Variants in OR2J2 observed in about 807,000 individuals in gnomAD.
The protein encoded by OR2J2 is olfactory receptor 2J2.
A neutral mutation model predicts 16.9 loss-of-function variants in OR2J2; 13 were observed. The ratio of observed to expected loss-of-function variants is 0.77; its 90% CI spans 0.50 to 1.23. The LOEUF is 1.23. OR2J2 is among the 50% of genes most tolerant of loss of function. The probability of loss-of-function intolerance (pLI) is 0.00; values close to 1 mark genes in which losing one functional copy is unlikely to be tolerated. For missense variants in OR2J2, 341 were observed against 379.1 expected (o/e 0.90, Z 0.84); for synonymous variants, 125 against 141.2 (o/e 0.89, Z 0.81).
Position 29,174,098 on chromosome 6 carries a change from A to C in OR2J2, c.463A>C (p.Thr155Pro). ...LVAASWVIGF[T>P]ISALHSSFTF... ...TGCGGCTTCTTGGGTAATTGGTTTT[A>C]CTATCTCAGCACTTCATTCCTCCTT... The change falls in exon 2 of 2, where the codon ACT becomes CCT. Residue 155 changes from threonine to proline, a missense_variant. Physicochemically the swap from Thr to Pro is conservative, Grantham distance 38 (BLOSUM62 -1). Coordinates refer to ENST00000641417, the MANE Select transcript of OR2J2 (RefSeq NM_030905.3). 6.2e-7 allele frequency: 1 copy of C among 1,612,822 alleles called. No individual in the cohort carries two copies. The highest frequency in any genetic ancestry group is 8.5e-7 in the Non-Finnish European group (1 of 1,179,768).
In OR2J2 at chr6:29,174,452, A is replaced by G. The variant is rs961528734; in HGVS notation, c.817A>G (p.Lys273Glu). ...PPSENSPDQGKFIALFYTVVT... is the reference protein window; with the variant it reads ...PPSENSPDQGEFIALFYTVVT... ...ATCAGAAAATTCTCCTGATCAGGGC[A>G]AGTTCATTGCCCTCTTTTATACTGT... The change falls in exon 2 of 2, where the codon AAG becomes GAG. Residue 273 changes from lysine (K) to glutamate (E), a missense_variant. Physicochemically the swap from Lys to Glu is moderately conservative, Grantham distance 56 (BLOSUM62 1). Coordinates refer to ENST00000641417, the MANE Select transcript of OR2J2 (RefSeq NM_030905.3). 1.9e-6 allele frequency: 3 copies of G among 1,613,884 alleles called. No individual in the cohort carries two copies. The African/African-American group carries it at 4.0e-5, about 22-fold the overall frequency.
chr6:29,173,473 A>T, intron 1 of OR2J2, 146 bp from the exon 2 acceptor site: 1 of 554,992 alleles, frequency 1.8e-6, no homozygotes, highest in Non-Finnish European at 3.2e-6. Context: ...ATCTCAATGA[A>T]GCATATAAAG....
rs1255151611 is a variant in OR2J2, at chr6:29,174,523, G to A, written c.888G>A (p.Lys296=). 6.2e-7 allele frequency: 1 copy of A among 1,613,706 alleles called. No individual in the cohort carries two copies. Among genetic ancestry groups the A allele is most frequent in the Non-Finnish European group, 8.5e-7 (1 of 1,179,902 alleles). The change falls in exon 2 of 2, where the codon AAG becomes AAA. Residue 296 remains lysine, a synonymous_variant. Transcript: ENST00000641417. ...LNPLIYTLRN[K]HVKGAAKRLL... ...CTCTAATCTACACTCTCAGAAACAA[G>A]CATGTAAAAGGGGCAGCGAAGAGAC...
chr6:29,174,578 G>A lies in OR2J2; in HGVS notation c.*4G>A. On this transcript the variant is annotated 3_prime_UTR_variant, in exon 2 of 2. Coordinates refer to ENST00000641417, the MANE Select transcript of OR2J2 (RefSeq NM_030905.3). ...GGGGTGGGAGTGGGGGAAGTGACAG[G>A]GAAATCATGTTGTCTGTTGTCATTG... 1.3e-6 allele frequency: 2 copies of A among 1,587,084 alleles called. No homozygotes were observed. Among genetic ancestry groups the A allele is most frequent in the Non-Finnish European group, 1.7e-6 (2 of 1,167,054 alleles).
Position 29,174,533 on chromosome 6 carries a change from G to A in OR2J2, c.898G>A (p.Gly300Arg), listed in dbSNP as rs775650338. The A allele has an allele frequency of 3.7e-6, 6 of 1,613,272 alleles. No individual in the cohort carries two copies. The highest frequency in any genetic ancestry group is 3.3e-5 in the South Asian group (3 of 90,954). The change falls in exon 2 of 2, where the codon GGG becomes AGG. Residue 300 changes from glycine to arginine, a missense_variant. Gly to Arg is a moderately radical substitution (Grantham distance 125). Transcript: ENST00000641417. ...CACTCTCAGAAACAAGCATGTAAAA[G>A]GGGCAGCGAAGAGACTATTGGGGTG... ...IYTLRNKHVK[G>R]AAKRLLGWEW...
chr6:29,171,303 T>C (rs1453973658), intron 1 of OR2J2, among the ~76,000 whole-genome samples, 198 bp downstream of exon 1: 1 of 152,080 alleles, frequency 6.6e-6, no homozygotes, highest in African/African-American at 2.4e-5. Flanking sequence ...TCCATAAATA[T>C]ATACAATTAT....
In OR2J2 at chr6:29,175,662, C is replaced by A. The variant is rs1229784588; in HGVS notation, c.*1088C>A. 6.6e-6 allele frequency: 1 copy of A among 152,050 alleles called. No homozygotes were observed. The highest frequency in any genetic ancestry group is 1.9e-4 in the East Asian group (1 of 5,178). 9.4% of individuals were successfully genotyped at this position (152,050 alleles called of 1,614,324 possible). ...AGGCATGGTGGCACATGCCTGTAGT[C>A]CCATTGAAGCTAAACTTTTTTTTCA... On this transcript the variant is annotated 3_prime_UTR_variant, in exon 2 of 2. Transcript: ENST00000641417.
Position 29,173,632 on chromosome 6 carries a change from A to T in OR2J2, c.-4A>T. On this transcript the variant is annotated 5_prime_UTR_variant, in exon 2 of 2. It removes an upstream start codon present in the reference 5' UTR. Transcript: ENST00000641417. ...TTCTTTCTTTAGGTATAAGAAAAAG[A>T]TGAATGATGATTAAAAAAAATGCAA... The T allele has an allele frequency of 6.3e-7, 1 of 1,587,884 alleles. No homozygotes were observed. The highest frequency in any genetic ancestry group is 1.2e-5 in the South Asian group (1 of 86,330).
At chr6:29,171,473 A>G (rs1765482766) in intron 1 of OR2J2, among the ~76,000 whole-genome samples, 1 of 152,028 alleles carries the variant, frequency 6.6e-6, no homozygotes, top group East Asian at 1.9e-4. Flanking sequence ...GAGAGAAGAT[A>G]TTTTATTCTA....
In OR2J2 at chr6:29,173,644, TA is replaced by T. The variant is rs556940268; in HGVS notation, c.17del (p.Asn6MetfsTer21). The T allele has an allele frequency of 1.6e-3, 2,482 of 1,596,566 alleles. 19 individuals carry two copies. In the African/African-American group the frequency reaches 0.018, roughly 12 times the overall value. Reference sequence around the variant, plus strand: ...GTATAAGAAAAAGATGAATGATGATTAAAAAAAATGCAAGTTCGGAAGACTT... The same window carrying T: ...GTATAAGAAAAAGATGAATGATGATTAAAAAAATGCAAGTTCGGAAGACTT... MMIKKNASSEDFFI... is the reference protein window; with the variant it reads MMIXKNASSEDFFI... On this transcript the variant is annotated frameshift_variant, in exon 2 of 2. Transcript: ENST00000641417. LOFTEE classifies it high-confidence loss of function.
chr6:29,174,658 T>C lies in OR2J2; in HGVS notation c.*84T>C. The C allele has an allele frequency of 9.1e-7, 1 of 1,104,828 alleles. No individual in the cohort carries two copies. Among genetic ancestry groups the C allele is most frequent in the East Asian group, 2.4e-5 (1 of 41,360 alleles). The allele number at this position is 1,104,828 out of a possible 1,614,324, so 68.4% of individuals were successfully genotyped here. On this transcript the variant is annotated 3_prime_UTR_variant, in exon 2 of 2. Coordinates refer to ENST00000641417, the MANE Select transcript of OR2J2 (RefSeq NM_030905.3). ...GGTGGTTTCCCTGCTTCTTTGTGAT[T>C]TATTTTTGTTCTAACAGCTCACAAA...
intron 1 of OR2J2, among the ~76,000 whole-genome samples, chr6:29,171,455 TAA>T (rs1327263583): frequency 1.3e-5 from 2 of 151,984 alleles, no homozygotes; most frequent in South Asian, 4.1e-4. Context: ...GTATTTGATT[TAA>T]AAAAAGAGAG....
At chr6:29,173,085 T>G (rs1380688926) in intron 1 of OR2J2, among the ~76,000 whole-genome samples, 1 of 152,134 alleles carries the variant, frequency 6.6e-6, no homozygotes, top group Non-Finnish European at 1.5e-5. Flanking sequence ...AACTTTGATT[T>G]GTGCATTATT....
intron 1 of OR2J2, among the ~76,000 whole-genome samples, chr6:29,171,802 T>TA (rs1446938828): frequency 6.6e-6 from 1 of 152,080 alleles, no homozygotes; most frequent in Non-Finnish European, 1.5e-5. Context: ...TAGGGAGATT[T>TA]AAAAAAATCC....
rs1326772532 is a variant in OR2J2, at chr6:29,174,235, C to T, written c.600C>T (p.Leu200=). The T allele has an allele frequency of 1.2e-6, 2 of 1,613,830 alleles. No homozygotes were observed. The highest frequency in any genetic ancestry group is 1.1e-5 in the South Asian group (1 of 91,070). The change falls in exon 2 of 2, where the codon CTC becomes CTT. Residue 200 remains leucine (L), a synonymous_variant. Transcript: ENST00000641417. ...CVDTHANELT[L]MVMSSIFVLI... is the part of the protein sequence containing the mutation. ...ACACCCATGCAAATGAGCTGACCCT[C>T]ATGGTCATGAGCTCCATTTTTGTTC...
chr6:29,174,774 T>C lies in OR2J2; in HGVS notation c.*200T>C. On this transcript the variant is annotated 3_prime_UTR_variant, in exon 2 of 2. Transcript: ENST00000641417. The stretch of plus-strand genomic sequence containing the variant: ...ATAAAGTTTCTGATTAGTGCCACTT[T>C]GTTCTTTTACAATTGTATATTTTAT... The C allele has an allele frequency of 2.1e-6, 1 of 475,832 alleles. No homozygotes were observed. Among genetic ancestry groups the C allele is most frequent in the Non-Finnish European group, 3.6e-6 (1 of 274,088 alleles). 29.5% of individuals were successfully genotyped at this position (475,832 alleles called of 1,614,324 possible). A position where few individuals can be genotyped will look rare whatever the true frequency, so the allele number is the denominator to read the frequency against.
chr6:29,171,421 ACT>A (rs1473257627), intron 1 of OR2J2, among the ~76,000 whole-genome samples: 1 of 152,074 alleles, frequency 6.6e-6, no homozygotes, highest in African/African-American at 2.4e-5. Flanking sequence ...AGGAAGAGAC[ACT>A]CAGCCATCCA....
At position 29,175,554 on chromosome 6, in the gene OR2J2, T is replaced by TGGATCATGAGGTCAGGAGAC. The variant is rs1765812614; in HGVS notation, c.*981_*1000dup. The TGGATCATGAGGTCAGGAGAC allele has an allele frequency of 1.3e-5, 2 of 152,062 alleles. No individual in the cohort carries two copies. The highest frequency in any genetic ancestry group is 6.6e-5 in the Admixed American group (1 of 15,236). 9.4% of individuals were successfully genotyped at this position (152,062 alleles called of 1,614,324 possible). Reference sequence around the variant, plus strand: ...CAGCACTTTGGAAGGCCGAGTCAGGTGGATCATGAGGTCAGGAGACCAAGA... The same window carrying TGGATCATGAGGTCAGGAGAC: ...CAGCACTTTGGAAGGCCGAGTCAGGTGGATCATGAGGTCAGGAGACGGATCATGAGGTCAGGAGACCAAGA... On this transcript the variant is annotated 3_prime_UTR_variant, in exon 2 of 2. Transcript: ENST00000641417.
In OR2J2 at chr6:29,175,771, C is replaced by T. The variant is rs1765828294; in HGVS notation, c.*1197C>T. 6.6e-6 allele frequency: 1 copy of T among 151,958 alleles called. No individual in the cohort carries two copies. Among genetic ancestry groups the T allele is most frequent in the East Asian group, 1.9e-4 (1 of 5,170 alleles). 9.4% of individuals were successfully genotyped at this position (151,958 alleles called of 1,614,324 possible). ...TCCGTATGTAAAATTATTGGGATTG[C>T]AATTGTTATGTTTTCTATAATCACA... On this transcript the variant is annotated 3_prime_UTR_variant, in exon 2 of 2. Transcript: ENST00000641417.
Sources: allele counts gnomAD v4.1 joint callset (sites outside exome capture counted in the v4.1 genomes callset), GRCh38; gene constraint gnomAD v4.1.1; transcripts MANE v1.5; gene names NCBI Gene and HGNC (gene_info 2026-07-23, HGNC 2026-07-21).